The following NFIA variants were observed in gnomAD, a reference collection of about 807,000 sequenced individuals.
NFIA encodes the protein nuclear factor 1 A-type.
In NFIA, 8 loss-of-function variants were observed where a neutral mutation model predicts 62.8. The ratio of observed to expected loss-of-function variants is 0.13; its 90% CI spans 0.07 to 0.23. NFIA has a LOEUF of 0.23. Among genes scored for constraint, NFIA ranks in the 10% least tolerant of loss-of-function variants. The pLI, the probability that NFIA is intolerant of heterozygous loss-of-function variation, is 1.00. For missense variants in NFIA, 410 were observed against 642.1 expected, an observed-to-expected ratio of 0.64 and a Z score of 3.91; for synonymous variants, 235 against 238.1, an observed-to-expected ratio of 0.99 and a Z score of 0.12.
At chr1:61,373,787 T>G (rs1369601157) in intron 6 of NFIA, among the ~76,000 whole-genome samples, 1 of 146,844 alleles carries the variant, frequency 6.8e-6, no homozygotes. Context: ...GTGAATATGT[T>G]TCGCTTTTGG....
chr1:61,088,285 C>T lies in NFIA; in HGVS notation c.164C>T (p.Ala55Val). Residue 55 changes from alanine (A) to valine (V), a missense_variant, in exon 2 of 11, where the codon GCC (alanine) becomes GTC (valine). Ala to Val is a moderately conservative substitution (Grantham distance 64, BLOSUM62 0). Around this residue, in one of 3 missense-constraint regions of NFIA, gnomAD observed 86 missense variants for 124.6 expected, o/e 0.69. Coordinates refer to ENST00000403491, the MANE Select transcript of NFIA (RefSeq NM_001134673.4). This position sits in a 1 kb window ranked among gnomAD's most constrained non-coding sequence, Gnocchi z 4.5. ...CGTATGTCAAAAGAAGAAGAGAGAGCCGTGAAGGATGAATTGCTAAGTGAA... is the reference window on the plus strand; with the variant it reads ...CGTATGTCAAAAGAAGAAGAGAGAGTCGTGAAGGATGAATTGCTAAGTGAA... Reference protein sequence around the residue: ...EKRMSKEEERAVKDELLSEKP... With the variant: ...EKRMSKEEERVVKDELLSEKP... The T allele has an allele frequency of 1.2e-6, 2 of 1,613,198 alleles. No homozygotes were observed. Among genetic ancestry groups the T allele is most frequent in the Non-Finnish European group, 1.7e-6 (2 of 1,179,894 alleles).
At chr1:61,297,566 G>A (rs576840598) in intron 3 of NFIA, among the ~76,000 whole-genome samples, 4 of 152,180 alleles carry the variant, frequency 2.6e-5, no homozygotes, top group Non-Finnish European at 5.9e-5. Flanking sequence ...TGTTGCGGTA[G>A]TAGTACCTGA....
chr1:61,338,966 C>A (rs1272743812), intron 4 of NFIA, among the ~76,000 whole-genome samples: 1 of 152,086 alleles, frequency 6.6e-6, no homozygotes, highest in African/African-American at 2.4e-5. Context: ...ACCATTTGGG[C>A]TCGAGCATTA....
chr1:61,314,752 G>C lies in NFIA; in HGVS notation c.626-17760G>C, dbSNP rs12085136. On this transcript the variant is annotated intron_variant, in intron 3 of 10. Coordinates refer to ENST00000403491, the MANE Select transcript of NFIA (RefSeq NM_001134673.4). ...TCTCAAGCAGTCATCAGTATTTATT[G>C]AGGCCTACATTGCAGCGACCTGTGA... Among the ~76,000 whole-genome samples the C allele has an allele frequency of 8.1e-3, 1,228 of 152,162 alleles. 16 individuals carry two copies. Among genetic ancestry groups the C allele is most frequent in the African/African-American group, 0.028 (1,170 of 41,508 alleles).
chr1:61,424,896 A>G (rs1462142174), intron 9 of NFIA, among the ~76,000 whole-genome samples: 1 of 152,246 alleles, frequency 6.6e-6, no homozygotes, highest in African/African-American at 2.4e-5. Context: ...CAGAATGGCT[A>G]AAGGCAGAGG....
intron 2 of NFIA, among the ~76,000 whole-genome samples, chr1:61,182,490 T>C (rs1226908461): frequency 6.6e-6 from 1 of 152,264 alleles, no homozygotes; most frequent in African/African-American, 2.4e-5. Flanking sequence ...ACTTTAGAAA[T>C]ATCCTTAAGC....
intron 4 of NFIA, among the ~76,000 whole-genome samples, chr1:61,333,029 ACATAATCTAGCATGCACG>A (rs1413389095): frequency 6.7e-6 from 1 of 149,942 alleles, no homozygotes; most frequent in Non-Finnish European, 1.5e-5. Flanking sequence ...TTTTGTTATG[ACATAATCTAGCATGCACG>A]CACACACACA....
At chr1:61,338,904 A>C (rs567507015) in intron 4 of NFIA, among the ~76,000 whole-genome samples, 1 of 152,338 alleles carries the variant, frequency 6.6e-6, no homozygotes, top group African/African-American at 2.4e-5. Context: ...TTGCATGGAA[A>C]TTAATTTTTA....
chr1:61,144,560 A>G (rs192540728), intron 2 of NFIA, among the ~76,000 whole-genome samples: 86 of 152,272 alleles, frequency 5.6e-4, no homozygotes, highest in South Asian at 1.9e-3. Context: ...CTGAATTCAG[A>G]TTCTTACTTT....
chr1:61,285,272 G>A (rs1557682436), intron 3 of NFIA, among the ~76,000 whole-genome samples: 1 of 152,084 alleles, frequency 6.6e-6, no homozygotes, highest in Non-Finnish European at 1.5e-5. Context: ...AAAAACCAGC[G>A]TGGTGAAAGA....
intron 6 of NFIA, among the ~76,000 whole-genome samples, chr1:61,362,540 C>G (rs1663353954): frequency 6.6e-6 from 1 of 152,138 alleles, no homozygotes; most frequent in Non-Finnish European, 1.5e-5. Context: ...CCTAGAGCAA[C>G]AGGAAGATTG....
At chr1:61,280,863 CA>C (rs1195583848) in intron 3 of NFIA, among the ~76,000 whole-genome samples, 1 of 152,116 alleles carries the variant, frequency 6.6e-6, no homozygotes, top group Non-Finnish European at 1.5e-5. Context: ...CCTCTGGAGT[CA>C]AAAAGACCTG....
intron 10 of NFIA, among the ~76,000 whole-genome samples, chr1:61,433,646 T>C (rs1667202543): frequency 1.3e-5 from 2 of 152,212 alleles, no homozygotes; most frequent in African/African-American, 4.8e-5. Flanking sequence ...AAATGATAGC[T>C]TTCATTGTTT....
chr1:61,142,303 T>C (rs901592625), intron 2 of NFIA, among the ~76,000 whole-genome samples: 9 of 152,220 alleles, frequency 5.9e-5, no homozygotes, highest in Non-Finnish European at 8.8e-5. Context: ...ACCCAAGGGC[T>C]GTAAAGTTAA....
intron 2 of NFIA, among the ~76,000 whole-genome samples, chr1:61,184,882 A>C (rs1229069205): frequency 6.6e-6 from 1 of 152,252 alleles, no homozygotes; most frequent in Non-Finnish European, 1.5e-5. Flanking sequence ...AGAGGAGTTT[A>C]AAGTTACTTC....
intron 2 of NFIA, among the ~76,000 whole-genome samples, chr1:61,132,302 T>G (rs891910451): frequency 3.3e-5 from 5 of 152,194 alleles, no homozygotes; most frequent in Admixed American, 2.6e-4. Flanking sequence ...TCATGCTTCC[T>G]GGATCCACCC....
At chr1:61,339,876 G>C (rs770781824) in intron 4 of NFIA, among the ~76,000 whole-genome samples, 9 of 152,150 alleles carry the variant, frequency 5.9e-5, no homozygotes, top group Non-Finnish European at 1.3e-4. Context: ...GTCCTCAGCC[G>C]ACTCAGCCCT....
Position 61,145,783 on chromosome 1 carries a change from T to C in NFIA, c.559+57103T>C, listed in dbSNP as rs17121683. 9.4e-3 allele frequency among the ~76,000 whole-genome samples: 1,432 copies of C among 152,296 alleles called. 51 individuals are homozygous for C. In the East Asian group the frequency reaches 0.13, roughly 14 times the overall value. On this transcript the variant is annotated intron_variant, in intron 2 of 10. Transcript: ENST00000403491. ...TGGCGTTCTTCTGCTTTAAATTTTA[T>C]TGGTGAGGTTTAACTCTTCATTAAT...
intron 2 of NFIA, among the ~76,000 whole-genome samples, chr1:61,228,774 ATTTATG>A (rs1186015096): frequency 6.6e-6 from 1 of 152,036 alleles, no homozygotes; most frequent in Non-Finnish European, 1.5e-5. Context: ...ATTTTCCCTG[ATTTATG>A]TTTATATCTT....
Sources: allele counts gnomAD v4.1 joint callset (sites outside exome capture counted in the v4.1 genomes callset), GRCh38; gene constraint gnomAD v4.1.1; regional missense constraint gnomAD v4.1.1; non-coding constraint Gnocchi (gnomAD v3.1); transcripts MANE v1.5; gene names NCBI Gene and HGNC (gene_info 2026-07-23, HGNC 2026-07-21).